Variants in FMN2 observed in about 807,000 individuals in gnomAD.
The protein encoded by FMN2 is formin-2.
In FMN2, 51 loss-of-function variants were observed where a neutral mutation model predicts 142.3. The ratio of observed to expected loss-of-function variants is 0.36; its 90% CI spans 0.29 to 0.45. The LOEUF (loss-of-function observed/expected upper bound fraction) is 0.45, where lower values mean the gene tolerates loss of function less well. Ranked by LOEUF, FMN2 falls within the 20% of genes least tolerant of loss-of-function variation. The pLI is 1.00. For missense variants in FMN2, 1,936 were observed against 2,122.8 expected, an observed-to-expected ratio of 0.91 and a Z score of 1.73; for synonymous variants, 882 against 869.8, an observed-to-expected ratio of 1.01 and a Z score of -0.25.
intron 16 of FMN2, among the ~76,000 whole-genome samples, chr1:240,443,868 T>A (rs1455777735): frequency 6.6e-6 from 1 of 152,014 alleles, no homozygotes; most frequent in Non-Finnish European, 1.5e-5. Context: ...TTGTAGTGGG[T>A]AAGGAAATAG....
intron 14 of FMN2, among the ~76,000 whole-genome samples, chr1:240,362,850 A>T (rs1053826554): frequency 1.7e-4 from 26 of 152,212 alleles, no homozygotes; most frequent in African/African-American, 5.5e-4. Context: ...TTATAAATCA[A>T]AAATAGCTAA....
intron 13 of FMN2, among the ~76,000 whole-genome samples, chr1:240,353,213 A>G (rs1672155215): frequency 6.6e-6 from 1 of 152,226 alleles, no homozygotes; most frequent in Admixed American, 6.5e-5. Flanking sequence ...AATAGCAGCA[A>G]TAGCTACTGT....
chr1:240,106,303 C>G (rs932804532), intron 1 of FMN2, among the ~76,000 whole-genome samples: 1 of 152,152 alleles, frequency 6.6e-6, no homozygotes, highest in African/African-American at 2.4e-5. Flanking sequence ...TTAACATCCA[C>G]CCTGAGTAGT....
chr1:240,371,527 T>A (rs1244083235), intron 14 of FMN2, among the ~76,000 whole-genome samples: 1 of 152,214 alleles, frequency 6.6e-6, no homozygotes, highest in Non-Finnish European at 1.5e-5. Flanking sequence ...CTAGCACTTT[T>A]AAAATTTTAA....
chr1:240,430,166 G>A lies in FMN2; in HGVS notation c.4911-7895G>A, dbSNP rs921800463. Among the ~76,000 whole-genome samples, 9 of 152,094 alleles carry A rather than the reference G, an allele frequency of 5.9e-5. No homozygotes were observed. In the East Asian group the frequency reaches 7.7e-4, roughly 13 times the overall value. Reference sequence around the variant, plus strand: ...CTCCCAAAGTGCTGGGATTACAGGCGTGAGCCACTGCACCCGGCCTGAACA... The same window carrying A: ...CTCCCAAAGTGCTGGGATTACAGGCATGAGCCACTGCACCCGGCCTGAACA... On this transcript the variant is annotated intron_variant, in intron 15 of 17. Transcript: ENST00000319653.
intron 15 of FMN2, among the ~76,000 whole-genome samples, chr1:240,414,589 T>C (rs909212944): frequency 1.3e-5 from 2 of 152,234 alleles, no homozygotes; most frequent in Non-Finnish European, 2.9e-5. Flanking sequence ...TTTTTTCTTA[T>C]CGTGTTTCTG....
Position 240,093,609 on chromosome 1 carries a change from G to T in FMN2, c.1500G>T (p.Ala500=). 7.0e-7 allele frequency: 1 copy of T among 1,429,442 alleles called. No homozygotes were observed. Among genetic ancestry groups the T allele is most frequent in the Admixed American group, 3.2e-5 (1 of 31,664 alleles). The allele number at this position is 1,429,442 out of a possible 1,614,324, so 88.5% of individuals were successfully genotyped here. The change falls in exon 1 of 18, where the codon GCG becomes GCT. Residue 500 remains alanine (A), a synonymous_variant. Transcript: ENST00000319653. The part of the protein sequence containing the change: ...GARTPRVGGS[A]HLLERGVASD... ...GCACGCCCCGGGTGGGAGGCTCCGC[G>T]CACCTGCTGGAGCGCGGGGTGGCGA...
chr1:240,276,415 G>C (rs1416571154), intron 7 of FMN2, among the ~76,000 whole-genome samples: 1 of 152,096 alleles, frequency 6.6e-6, no homozygotes, highest in Non-Finnish European at 1.5e-5. Flanking sequence ...GAGTGTGAGG[G>C]ACAATATAAT....
At chr1:240,331,592 T>C (rs1671379515) in intron 11 of FMN2, among the ~76,000 whole-genome samples, 1 of 152,178 alleles carries the variant, frequency 6.6e-6, no homozygotes, top group African/African-American at 2.4e-5. Flanking sequence ...ATGAAATAAT[T>C]TCCTTCATGG....
intron 2 of FMN2, among the ~76,000 whole-genome samples, chr1:240,170,003 A>G (rs148483724): frequency 2.1e-3 from 317 of 152,316 alleles, no homozygotes; most frequent in African/African-American, 7.4e-3. Context: ...TCTTATTAAG[A>G]GAGGAACTTA....
chr1:240,217,363 T>C (rs1666944685), intron 6 of FMN2, among the ~76,000 whole-genome samples: 1 of 152,228 alleles, frequency 6.6e-6, no homozygotes, highest in African/African-American at 2.4e-5. Flanking sequence ...GTTCCAGTTG[T>C]AGTTGGCAAG....
At chr1:240,314,348 G>A (rs1020185649) in intron 8 of FMN2, among the ~76,000 whole-genome samples, 10 of 152,252 alleles carry the variant, frequency 6.6e-5, no homozygotes, top group African/African-American at 1.9e-4. Flanking sequence ...AAGGGAGAAA[G>A]GGAGGGTTGC....
At chr1:240,094,573 T>C (rs1661134349) in intron 1 of FMN2, among the ~76,000 whole-genome samples, 1 of 152,140 alleles carries the variant, frequency 6.6e-6, no homozygotes, top group South Asian at 2.1e-4. Context: ...AATGAGTTTA[T>C]CCTAGCTTAC....
chr1:240,383,723 A>G (rs1673305671), intron 14 of FMN2, among the ~76,000 whole-genome samples: 1 of 152,096 alleles, frequency 6.6e-6, no homozygotes, highest in African/African-American at 2.4e-5. Flanking sequence ...TCGACCCAGC[A>G]ATCAACCCCA....
intron 7 of FMN2, among the ~76,000 whole-genome samples, chr1:240,275,848 T>G (rs1421872857): frequency 6.6e-6 from 1 of 152,228 alleles, no homozygotes; most frequent in African/African-American, 2.4e-5. Flanking sequence ...CCAGTAATGA[T>G]GAGCTTTTTT....
At chr1:240,132,735 G>A (rs1161026065) in intron 2 of FMN2, among the ~76,000 whole-genome samples, 2 of 152,174 alleles carry the variant, frequency 1.3e-5, no homozygotes, top group Non-Finnish European at 2.9e-5. Context: ...TTACGCTCAG[G>A]ATGGACGTGG....
chr1:240,463,775 G>A (rs886703063), intron 16 of FMN2, among the ~76,000 whole-genome samples: 7 of 152,172 alleles, frequency 4.6e-5, no homozygotes, highest in Admixed American at 1.3e-4. Flanking sequence ...GGCTGAGGTG[G>A]GTGGATCATC....
intron 8 of FMN2, among the ~76,000 whole-genome samples, chr1:240,319,497 A>C (rs974007579): frequency 1.3e-5 from 2 of 152,342 alleles, no homozygotes; most frequent in African/African-American, 4.8e-5. Context: ...AGTATTTCCA[A>C]CAGCATAATT....
At position 240,208,412 on chromosome 1, in the gene FMN2, T is replaced by A. The variant is rs138448278; in HGVS notation, c.3600T>A (p.Pro1200=). 4.7e-4 allele frequency: 724 copies of A among 1,540,644 alleles called. 2 individuals carry two copies. The Middle Eastern group carries it at 0.011, about 24-fold the overall frequency. Residue 1200 remains proline (P), a synonymous_variant, in exon 5 of 18, where the codon CCT becomes CCA. Coordinates refer to ENST00000319653, the MANE Select transcript of FMN2 (RefSeq NM_020066.5). ...GAGTGGGAATACCTCCTCCGCCCCC[T>A]CTACCTGGTGCTGGGATTCCCCCAC... The part of the protein sequence containing the change: ...LPGVGIPPPP[P]LPGAGIPPPP...
Sources: allele counts gnomAD v4.1 joint callset (sites outside exome capture counted in the v4.1 genomes callset), GRCh38; gene constraint gnomAD v4.1.1; transcripts MANE v1.5; gene names NCBI Gene and HGNC (gene_info 2026-07-23, HGNC 2026-07-21).